Variants in CCDC138 observed in about 807,000 individuals in gnomAD.
CCDC138 encodes the protein coiled-coil domain-containing protein 138.
In CCDC138, 66 loss-of-function variants were observed where a neutral mutation model predicts 82.3. The observed-to-expected ratio is 0.80, with a 90% CI of 0.66 to 0.98. The LOEUF (loss-of-function observed/expected upper bound fraction) is 0.98, where lower values mean the gene tolerates loss of function less well. CCDC138 is among the 50% of genes least tolerant of loss of function. CCDC138 has a pLI of 0.00. For missense variants in CCDC138, 816 were observed against 758.9 expected (o/e 1.08, Z -0.88); for synonymous variants, 297 against 265.4 (o/e 1.12, Z -1.16).
At chr2:108,789,390 TG>T (rs1262096378) in intron 3 of CCDC138, among the ~76,000 whole-genome samples, 2 of 152,086 alleles carry the variant, frequency 1.3e-5, no homozygotes, top group African/African-American at 4.8e-5. Context: ...GTCAGGAGTT[TG>T]AGACCATCCT....
At chr2:108,786,984 G>T in intron 1 of CCDC138, 69 bp downstream of exon 1, 1 of 1,127,462 alleles carries the variant, frequency 8.9e-7, no homozygotes, top group Non-Finnish European at 1.2e-6. Flanking sequence ...CGTGCCCCGC[G>T]CAGCCGGCCT....
intron 5 of CCDC138, among the ~76,000 whole-genome samples, chr2:108,797,336 A>C (rs1166069523): frequency 1.3e-5 from 2 of 152,198 alleles, no homozygotes; most frequent in African/African-American, 4.8e-5. Context: ...AGAGCATTTT[A>C]AGTTGGAGGA....
intron 10 of CCDC138, among the ~76,000 whole-genome samples, chr2:108,820,233 C>T (rs1447471241): frequency 6.6e-6 from 1 of 152,038 alleles, no homozygotes; most frequent in Non-Finnish European, 1.5e-5. Flanking sequence ...CATGGTGCGA[C>T]CCCGTGCCTA....
intron 6 of CCDC138, among the ~76,000 whole-genome samples, chr2:108,804,507 A>C (rs1327151746): frequency 6.6e-6 from 1 of 152,202 alleles, no homozygotes; most frequent in Non-Finnish European, 1.5e-5. Context: ...ACACTTTATA[A>C]AGCCATAAAT....
At chr2:108,877,755 AG>A (rs1193533596), downstream of CCDC138, among the ~76,000 whole-genome samples, 2 of 152,194 alleles carry the variant, frequency 1.3e-5, no homozygotes, top group Non-Finnish European at 2.9e-5. Context: ...GGCCAAAGAA[AG>A]AACTGCATGT....
chr2:108,788,302 C>G (rs1679267888), intron 2 of CCDC138, among the ~76,000 whole-genome samples: 1 of 152,042 alleles, frequency 6.6e-6, no homozygotes, highest in Non-Finnish European at 1.5e-5. Context: ...CGCCTGTAAT[C>G]CCAACTGCTG....
At chr2:108,880,629 A>T (rs1018436596), downstream of CCDC138, among the ~76,000 whole-genome samples, 1 of 152,144 alleles carries the variant, frequency 6.6e-6, no homozygotes. Context: ...CTTAAGAATT[A>T]TGCTAAATCT....
chr2:108,839,643 T>C (rs1689132400), intron 11 of CCDC138, among the ~76,000 whole-genome samples: 1 of 152,128 alleles, frequency 6.6e-6, no homozygotes, highest in African/African-American at 2.4e-5. Context: ...GCAATTTTAG[T>C]TGGTATTGTC....
At chr2:108,824,320 T>C (rs1686208031) in intron 10 of CCDC138, among the ~76,000 whole-genome samples, 1 of 152,234 alleles carries the variant, frequency 6.6e-6, no homozygotes, top group Non-Finnish European at 1.5e-5. Context: ...ATGTATATTT[T>C]CTTTATATCC....
At chr2:108,792,718 A>C (rs1045371722) in intron 4 of CCDC138, among the ~76,000 whole-genome samples, 3 of 151,932 alleles carry the variant, frequency 2.0e-5, no homozygotes, top group Admixed American at 6.6e-5. Context: ...TGGAAGACAC[A>C]CCCCCCTCCT....
chr2:108,817,722 TTA>T (rs1312926794), intron 10 of CCDC138, among the ~76,000 whole-genome samples: 1 of 152,216 alleles, frequency 6.6e-6, no homozygotes, highest in African/African-American at 2.4e-5. Flanking sequence ...GGATCCTCCC[TTA>T]GCCTCCAGAA....
At chr2:108,835,981 C>T (rs1284115856) in intron 10 of CCDC138, among the ~76,000 whole-genome samples, 1 of 152,126 alleles carries the variant, frequency 6.6e-6, no homozygotes, top group Non-Finnish European at 1.5e-5. Flanking sequence ...AGAAAGGGAG[C>T]CCAGTCCCAC....
chr2:108,789,783 G>T (rs1467576898), intron 3 of CCDC138, among the ~76,000 whole-genome samples: 1 of 152,084 alleles, frequency 6.6e-6, no homozygotes. Context: ...AGAAGTTGCC[G>T]TTCTGTAAGG....
chr2:108,789,000 C>T (rs1384527957), intron 3 of CCDC138, 34 bp downstream of exon 3: 5 of 1,608,246 alleles, frequency 3.1e-6, no homozygotes, highest in Admixed American at 1.7e-5. Flanking sequence ...GTTGCTACCC[C>T]CTCAGTATCT....
intron 10 of CCDC138, 121 bp from the exon 11 acceptor site, chr2:108,839,063 TG>T: frequency 9.4e-7 from 1 of 1,058,520 alleles, no homozygotes; most frequent in Non-Finnish European, 1.3e-6. Context: ...GAAGGTTTTT[TG>T]TTGGAGAACT....
In CCDC138 at chr2:108,788,019, T is replaced by TC. The variant is rs922971260; in HGVS notation, c.94-13_94-12insC. On this transcript the variant is annotated splice_polypyrimidine_tract_variant and intron_variant, in intron 1 of 14. Coordinates refer to ENST00000295124, the MANE Select transcript of CCDC138 (RefSeq NM_144978.3). ...TTTAGTATACAAATTAAATCTTTTCTTTTTTTTTTTAGTATGATTTTTCAA... is the reference window on the plus strand; with the variant it reads ...TTTAGTATACAAATTAAATCTTTTCTCTTTTTTTTTTAGTATGATTTTTCAA... 3 of 970,830 alleles carry TC rather than the reference T, an allele frequency of 3.1e-6. No homozygotes were observed. The African/African-American group carries it at 8.2e-5, about 26-fold the overall frequency. 60.1% of individuals were successfully genotyped at this position (970,830 alleles called of 1,614,324 possible).
At chr2:108,803,639 G>A (rs939844446) in intron 6 of CCDC138, among the ~76,000 whole-genome samples, 1 of 152,062 alleles carries the variant, frequency 6.6e-6, no homozygotes, top group East Asian at 1.9e-4. Flanking sequence ...CCATGTCTGG[G>A]ACCCACCCTG....
At chr2:108,838,237 T>A (rs1390324520) in intron 10 of CCDC138, among the ~76,000 whole-genome samples, 1 of 152,140 alleles carries the variant, frequency 6.6e-6, no homozygotes, top group Non-Finnish European at 1.5e-5. Context: ...TTGCTGTATC[T>A]AAGAATTGGC....
At chr2:108,872,698 G>A (rs1260404865) in intron 13 of CCDC138, among the ~76,000 whole-genome samples, 5 of 152,128 alleles carry the variant, frequency 3.3e-5, no homozygotes, top group African/African-American at 9.7e-5. Flanking sequence ...ACTCACACAT[G>A]GCGGTGGAGC....
Sources: allele counts gnomAD v4.1 joint callset (sites outside exome capture counted in the v4.1 genomes callset), GRCh38; gene constraint gnomAD v4.1.1; transcripts MANE v1.5; gene names NCBI Gene and HGNC (gene_info 2026-07-23, HGNC 2026-07-21).